Variants in AGTPBP1 observed in about 807,000 individuals in gnomAD.
AGTPBP1 encodes ATP/GTP binding carboxypeptidase 1.
Under a neutral mutation model 143.9 loss-of-function variants are expected in AGTPBP1, and 70 were observed. The observed-to-expected ratio is 0.49, with a 90% confidence interval of 0.40 to 0.59. The LOEUF (loss-of-function observed/expected upper bound fraction) is 0.59. Among genes scored for constraint, AGTPBP1 ranks in the 20% least tolerant of loss-of-function variants. The pLI is 0.00. For missense variants in AGTPBP1, 1,229 were observed against 1,464.5 expected, an observed-to-expected ratio of 0.84 and a Z score of 2.62; for synonymous variants, 463 against 500.2, an observed-to-expected ratio of 0.93 and a Z score of 0.99.
intron 21 of AGTPBP1, among the ~76,000 whole-genome samples, 186 bp from the exon 22 acceptor site, chr9:85,587,146 G>A (rs995172079): frequency 1.1e-4 from 16 of 152,156 alleles, no homozygotes; most frequent in African/African-American, 3.6e-4. Context: ...CATTTATTGA[G>A]TATTTGCTAT....
the AGTPBP1 span, among the ~76,000 whole-genome samples, chr9:85,804,793 TGTTA>T: frequency 5.9e-5 from 9 of 152,160 alleles, no homozygotes; most frequent in Non-Finnish European, 1.3e-4. Flanking sequence ...AACTGAGCAA[TGTTA>T]GTTATTTTCC....
At chr9:85,631,620 C>A (rs1010363057) in intron 14 of AGTPBP1, among the ~76,000 whole-genome samples, 1 of 151,770 alleles carries the variant, frequency 6.6e-6, no homozygotes, top group African/African-American at 2.4e-5. Flanking sequence ...CACTAAGTTG[C>A]CAAGTAAAAA....
chr9:85,578,245 T>G (rs954695696), intron 24 of AGTPBP1, among the ~76,000 whole-genome samples: 11 of 152,220 alleles, frequency 7.2e-5, no homozygotes, highest in Non-Finnish European at 1.6e-4. Context: ...TTATCTCCAG[T>G]AAAAGCCTAC....
At chr9:85,759,689 G>C in the AGTPBP1 span, among the ~76,000 whole-genome samples, 45 of 152,004 alleles carry the variant, frequency 3.0e-4, no homozygotes, top group Admixed American at 1.1e-3. Context: ...AAAATTAACA[G>C]CCTAACATCA....
intron 1 of AGTPBP1, among the ~76,000 whole-genome samples, chr9:85,739,247 T>C (rs973385201): frequency 1.3e-5 from 2 of 152,154 alleles, no homozygotes; most frequent in African/African-American, 4.8e-5. Flanking sequence ...ACAAAATTTA[T>C]GTTGTTTATA....
chr9:85,547,494 T>C (rs552095411), intron 25 of AGTPBP1, among the ~76,000 whole-genome samples: 5 of 152,368 alleles, frequency 3.3e-5, no homozygotes, highest in Admixed American at 3.3e-4. Flanking sequence ...GAATCATTAA[T>C]TGTATTACAA....
At chr9:85,605,054 A>G (rs1249114910) in intron 17 of AGTPBP1, among the ~76,000 whole-genome samples, 1 of 152,208 alleles carries the variant, frequency 6.6e-6, no homozygotes, top group Non-Finnish European at 1.5e-5. Flanking sequence ...AGAGGAAGAG[A>G]TAAGGTAAAA....
At chr9:85,651,786 A>G (rs1419795431) in intron 11 of AGTPBP1, among the ~76,000 whole-genome samples, 1 of 152,240 alleles carries the variant, frequency 6.6e-6, no homozygotes, top group Non-Finnish European at 1.5e-5. Context: ...AGCATTTAAC[A>G]TTCAGAAGAA....
At chr9:85,550,400 C>T (rs911101349) in intron 25 of AGTPBP1, among the ~76,000 whole-genome samples, 1 of 152,124 alleles carries the variant, frequency 6.6e-6, no homozygotes, top group African/African-American at 2.4e-5. Context: ...GGTGAAAATT[C>T]TGATACCCTT....
At chr9:85,675,336 C>T (rs1013180223) in intron 6 of AGTPBP1, among the ~76,000 whole-genome samples, 2 of 152,114 alleles carry the variant, frequency 1.3e-5, no homozygotes, top group Non-Finnish European at 2.9e-5. Context: ...CAGCTTCTTC[C>T]TTTGTTCTAT....
At chr9:85,782,727 A>G in the AGTPBP1 span, among the ~76,000 whole-genome samples, 2 of 152,320 alleles carry the variant, frequency 1.3e-5, no homozygotes, top group Admixed American at 6.5e-5. Context: ...CTGCTGGTTC[A>G]GTATTCCAAG....
the AGTPBP1 span, among the ~76,000 whole-genome samples, chr9:85,773,122 G>A: frequency 1.3e-5 from 2 of 151,108 alleles, no homozygotes; most frequent in African/African-American, 2.4e-5. Flanking sequence ...AAAATTAGCT[G>A]GACTTGGTGG....
chr9:85,690,814 G>C (rs895363231), intron 3 of AGTPBP1, among the ~76,000 whole-genome samples: 9 of 151,768 alleles, frequency 5.9e-5, no homozygotes, highest in African/African-American at 1.9e-4. Context: ...TTCAGTGGTG[G>C]TAAGAGGGTC....
intron 14 of AGTPBP1, among the ~76,000 whole-genome samples, chr9:85,626,902 G>A (rs1282727494): frequency 6.6e-6 from 1 of 152,168 alleles, no homozygotes; most frequent in African/African-American, 2.4e-5. Flanking sequence ...TTAAACATGT[G>A]AAAACCATTT....
chr9:85,700,881 A>G (rs951379728), intron 2 of AGTPBP1, among the ~76,000 whole-genome samples: 10 of 152,200 alleles, frequency 6.6e-5, no homozygotes, highest in Non-Finnish European at 1.3e-4. Flanking sequence ...GCCTATGTCT[A>G]AACTAATACA....
rs75264715 is a variant in AGTPBP1 at position 85,699,367 on chromosome 9, T to C, written c.33-6554A>G. ...TGCTGCTTTTGATTCTTTGAGCTTATATTCAATCTTGGAGCTATTTTCCTA... is the reference window on the plus strand; with the variant it reads ...TGCTGCTTTTGATTCTTTGAGCTTACATTCAATCTTGGAGCTATTTTCCTA... On this transcript the variant is annotated intron_variant, in intron 2 of 25. Transcript: ENST00000357081. 1.8e-3 allele frequency among the ~76,000 whole-genome samples: 279 copies of C among 152,322 alleles called. 3 individuals are homozygous for C. Among genetic ancestry groups the C allele is most frequent in the Middle Eastern group, 6.8e-3 (2 of 294 alleles).
chr9:85,609,294 T>TC (rs2133409663), intron 17 of AGTPBP1, among the ~76,000 whole-genome samples: 1 of 151,088 alleles, frequency 6.6e-6, no homozygotes, highest in African/African-American at 2.4e-5. Context: ...ACAGATCTTT[T>TC]TTTTTTTTTT....
chr9:85,630,373 G>GACTTACTT (rs199933310), intron 14 of AGTPBP1, among the ~76,000 whole-genome samples: 1 of 146,016 alleles, frequency 6.8e-6, no homozygotes, highest in African/African-American at 2.6e-5. Flanking sequence ...TTACAGGATT[G>GACTTACTT]ACTTACTTAC....
chr9:85,748,232 G>A, the AGTPBP1 span, among the ~76,000 whole-genome samples: 3 of 152,028 alleles, frequency 2.0e-5, no homozygotes, highest in Non-Finnish European at 2.9e-5. Context: ...CACTCCCTCC[G>A]TCTTGAAGTA....
Sources: allele counts gnomAD v4.1 joint callset (sites outside exome capture counted in the v4.1 genomes callset), GRCh38; gene constraint gnomAD v4.1.1; transcripts MANE v1.5; gene names NCBI Gene and HGNC (gene_info 2026-07-23, HGNC 2026-07-21).